The following TPR variants were observed in gnomAD, a reference collection of about 807,000 sequenced individuals.
TPR encodes nucleoprotein TPR.
A neutral mutation model predicts 316.1 loss-of-function variants in TPR; 51 were observed. The observed-to-expected ratio is 0.16, with a 90% CI of 0.13 to 0.20. The LOEUF is 0.20. Among genes scored for constraint, TPR ranks in the 10% least tolerant of loss-of-function variants. The probability of loss-of-function intolerance (pLI) is 1.00; values close to 1 mark genes in which losing one functional copy is unlikely to be tolerated. For missense variants in TPR, 2,272 were observed against 2,754.8 expected (o/e 0.82, Z 3.92); for synonymous variants, 981 against 914.7 (o/e 1.07, Z -1.31).
At chr1:186,349,377 G>A (rs1658778093) in intron 21 of TPR, among the ~76,000 whole-genome samples, 1 of 152,164 alleles carries the variant, frequency 6.6e-6, no homozygotes, top group South Asian at 2.1e-4. Flanking sequence ...AAACTGGCTG[G>A]GCGCTGTGGC....
intron 3 of TPR, among the ~76,000 whole-genome samples, chr1:186,370,671 A>G (rs993743565): frequency 1.3e-5 from 2 of 152,128 alleles, no homozygotes; most frequent in African/African-American, 4.8e-5. Flanking sequence ...AAACTACCCT[A>G]AGGAAATGAC....
At chr1:186,353,168 C>A (rs1030021882) in intron 18 of TPR, among the ~76,000 whole-genome samples, 1 of 152,070 alleles carries the variant, frequency 6.6e-6, no homozygotes, top group Non-Finnish European at 1.5e-5. Flanking sequence ...GTCAGTAGAT[C>A]GAGACCATCC....
chr1:186,341,810 C>A (rs1234939566), intron 27 of TPR: 1 of 161,288 alleles, frequency 6.2e-6, no homozygotes, highest in Non-Finnish European at 1.3e-5. Context: ...AGAAATTTTA[C>A]TGAATTATCT....
chr1:186,362,406 G>A (rs528324975), intron 6 of TPR, 26 bp from the exon 7 acceptor site: 5 of 1,560,198 alleles, frequency 3.2e-6, no homozygotes, highest in Non-Finnish European at 4.4e-6. Flanking sequence ...AGAGCAGGGG[G>A]AAAGGATGTC....
At position 186,327,472 on chromosome 1, in the gene TPR, A is replaced by T; in HGVS notation, c.5877T>A (p.Asp1959Glu). The T allele has an allele frequency of 6.2e-7, 1 of 1,610,076 alleles. No homozygotes were observed. The highest frequency in any genetic ancestry group is 8.5e-7 in the Non-Finnish European group (1 of 1,179,306). Reference sequence around the variant, plus strand: ...AAATCAAACTTACCTCATGTTCTCCATCATTTTCATCATCATCCTCTTCTT... The same window carrying T: ...AAATCAAACTTACCTCATGTTCTCCTTCATTTTCATCATCATCCTCTTCTT... ...DDEEEDDDEN[D>E]GEHEDYEEDE... Residue 1959 changes from aspartate to glutamate, a missense_variant, in exon 40 of 51, where the codon GAT becomes GAA. Asp to Glu is a conservative substitution (Grantham distance 45). Coordinates refer to ENST00000367478, the MANE Select transcript of TPR (RefSeq NM_003292.3).
chr1:186,354,066 G>A (rs911695916), intron 17 of TPR: 5 of 424,030 alleles, frequency 1.2e-5, no homozygotes, highest in African/African-American at 2.0e-5. Context: ...CTGAAAATCT[G>A]TCAGATTTGC....
intron 20 of TPR, among the ~76,000 whole-genome samples, chr1:186,350,742 AG>A (rs1658836314): frequency 6.6e-6 from 1 of 152,202 alleles, no homozygotes; most frequent in Non-Finnish European, 1.5e-5. Context: ...ACAGAATATA[AG>A]ACAGGAGAGT....
chr1:186,362,481 T>G (rs1571635525), intron 6 of TPR, 101 bp from the exon 7 acceptor site: 1 of 826,226 alleles, frequency 1.2e-6, no homozygotes. Context: ...TAACTCCCCC[T>G]CCCCACCTGA....
In TPR at chr1:186,312,108, T is replaced by A. The variant is rs575233266; in HGVS notation, c.*1863A>T. The A allele has an allele frequency of 4.2e-5, 59 of 1,418,610 alleles. No individual in the cohort carries two copies. The African/African-American group carries it at 7.7e-4, about 18-fold the overall frequency. 87.9% of individuals were successfully genotyped at this position (1,418,610 alleles called of 1,614,324 possible). A position where few individuals can be genotyped will look rare whatever the true frequency, so the allele number is the denominator to read the frequency against. On this transcript the variant is annotated 3_prime_UTR_variant, in exon 51 of 51. Transcript: ENST00000367478. Reference sequence around the variant, plus strand: ...GTTTCCTATACATTGTAAAAGTTGTTTTCCACCTTTTCTGAGGGTATTAAA... The same window carrying A: ...GTTTCCTATACATTGTAAAAGTTGTATTCCACCTTTTCTGAGGGTATTAAA...
At chr1:186,317,459 T>C (rs1427520251) in intron 49 of TPR, 23 bp downstream of exon 49, 1 of 1,577,494 alleles carries the variant, frequency 6.3e-7, no homozygotes, top group Non-Finnish European at 8.7e-7. Context: ...AAAACTGTAT[T>C]GCAGTCAAGG....
At chr1:186,337,661 A>G (rs1215497686) in intron 31 of TPR, among the ~76,000 whole-genome samples, 1 of 152,090 alleles carries the variant, frequency 6.6e-6, no homozygotes, top group Non-Finnish European at 1.5e-5. Flanking sequence ...GATTCAAAAT[A>G]TAAATATAAC....
intron 35 of TPR, 52 bp downstream of exon 35, chr1:186,335,009 CTAGATAT>C: frequency 6.6e-7 from 1 of 1,518,826 alleles, no homozygotes; most frequent in Non-Finnish European, 9.0e-7. Context: ...AGAAAGATCA[CTAGATAT>C]TCCCTGAGCT....
Position 186,358,662 on chromosome 1 carries a change from A to G in TPR, c.1390-12T>C. 1 of 1,607,876 alleles carries G rather than the reference A, an allele frequency of 6.2e-7. No individual in the cohort carries two copies. The highest frequency in any genetic ancestry group is 1.3e-5 in the African/African-American group (1 of 74,734). On this transcript the variant is annotated splice_polypyrimidine_tract_variant and intron_variant, in intron 12 of 50. Coordinates refer to ENST00000367478, the MANE Select transcript of TPR (RefSeq NM_003292.3). ...AATCGCTGAATCTCCTTTAAAATGT[A>G]AATTCAAGTGAAAATTTTGTACTTC...
chr1:186,335,515 A>T lies in TPR; in HGVS notation c.4734T>A (p.Asn1578Lys). ...CTCCATTCCTTTGTTTAAGCTCCTCATTTTCTTTAGTTAGCTGATCTTTTA... is the reference window on the plus strand; with the variant it reads ...CTCCATTCCTTTGTTTAAGCTCCTCTTTTTCTTTAGTTAGCTGATCTTTTA... ...AGVKDQLTKE[N>K]EELKQRNGAL... The change falls in exon 34 of 51, where the codon AAT becomes AAA. Residue 1578 changes from asparagine (N) to lysine (K), a missense_variant. Asn to Lys is a moderately conservative substitution (Grantham distance 94, BLOSUM62 0). Coordinates refer to ENST00000367478, the MANE Select transcript of TPR (RefSeq NM_003292.3). 6.2e-7 allele frequency: 1 copy of T among 1,606,180 alleles called. No homozygotes were observed. Among genetic ancestry groups the T allele is most frequent in the Non-Finnish European group, 8.5e-7 (1 of 1,176,966 alleles).
At chr1:186,333,514 C>T (rs961627709) in intron 36 of TPR, 120 bp from the exon 37 acceptor site, 3 of 1,184,876 alleles carry the variant, frequency 2.5e-6, no homozygotes, top group African/African-American at 3.1e-5. Context: ...TAGACAAATA[C>T]ATTGTAGGTA....
At chr1:186,348,547 T>C (rs904847287) in intron 21 of TPR, among the ~76,000 whole-genome samples, 2 of 152,190 alleles carry the variant, frequency 1.3e-5, no homozygotes, top group Non-Finnish European at 2.9e-5. Flanking sequence ...CTTTGAAGCA[T>C]GTGATCTTTG....
chr1:186,313,752 T>C lies in TPR; in HGVS notation c.*219A>G. 1 of 1,607,038 alleles carries C rather than the reference T, an allele frequency of 6.2e-7. No individual in the cohort carries two copies. Among genetic ancestry groups the C allele is most frequent in the South Asian group, 1.1e-5 (1 of 90,942 alleles). ...TACTACTCGTTCTGGGCAGACCTTA[T>C]CCAAAGTCTGGTACAACTGTCCTTA... On this transcript the variant is annotated 3_prime_UTR_variant, in exon 51 of 51. Transcript: ENST00000367478.
chr1:186,332,693 A>T (rs1014284893), intron 37 of TPR, among the ~76,000 whole-genome samples: 1 of 152,012 alleles, frequency 6.6e-6, no homozygotes, highest in African/African-American at 2.4e-5. Context: ...AAAACTCAGG[A>T]CTCCTTGAAT....
intron 27 of TPR, chr1:186,341,706 T>C (rs1203449846): frequency 4.6e-6 from 1 of 217,878 alleles, no homozygotes; most frequent in Non-Finnish European, 9.0e-6. Flanking sequence ...TGCACTAAAT[T>C]TATTAGTTCT....
Sources: gnomAD v4.1 joint callset for allele counts (sites outside exome capture counted in the v4.1 genomes callset) on GRCh38, gnomAD v4.1.1 for gene constraint, MANE v1.5 for transcripts, NCBI Gene and HGNC (gene_info 2026-07-23, HGNC 2026-07-21) for gene names.